Variants in MCC observed in about 807,000 individuals in gnomAD.
MCC encodes the protein MCC regulator of Wnt signaling pathway.
MCC carries 90 observed loss-of-function variants against 116.2 expected under a neutral mutation model. The observed-to-expected ratio is 0.77, with a 90% CI of 0.65 to 0.92. The LOEUF (loss-of-function observed/expected upper bound fraction) is 0.92, where lower values mean the gene tolerates loss of function less well. Ranked by LOEUF, MCC falls within the 40% of genes least tolerant of loss-of-function variation. The pLI is 0.00. For synonymous variants in MCC, 578 were observed against 510.5 expected (o/e 1.13, Z -1.78); for missense variants, 1,516 against 1,312.2 (o/e 1.16, Z -2.40).
intron 3 of MCC, among the ~76,000 whole-genome samples, chr5:113,197,769 G>T (rs1233591374): frequency 4.6e-5 from 7 of 152,240 alleles, no homozygotes; most frequent in African/African-American, 1.7e-4. Context: ...AAAGGAGGCA[G>T]GGCATAAGTA....
At chr5:113,352,465 T>C (rs1428711738) in intron 2 of MCC, among the ~76,000 whole-genome samples, 1 of 151,988 alleles carries the variant, frequency 6.6e-6, no homozygotes, top group Non-Finnish European at 1.5e-5. Context: ...CTTCCCATCC[T>C]TTCTGCTTGC....
intron 6 of MCC, among the ~76,000 whole-genome samples, chr5:113,114,982 C>T (rs1338413360): frequency 6.8e-6 from 1 of 147,852 alleles, no homozygotes; most frequent in Non-Finnish European, 1.5e-5. Context: ...GCAACTGCCT[C>T]ACATGAAAAG....
Position 113,026,072 on chromosome 5 carries a change from T to G in MCC, c.*1230A>C, listed in dbSNP as rs1263951603. 1 of 151,600 alleles carries G rather than the reference T, an allele frequency of 6.6e-6. No homozygotes were observed. Among genetic ancestry groups the G allele is most frequent in the African/African-American group, 2.4e-5 (1 of 41,372 alleles). The allele number at this position is 151,600 out of a possible 1,614,324, so 9.4% of individuals were successfully genotyped here. The stretch of plus-strand genomic sequence containing the variant: ...AAACTGAAAAAGAATAATGAATTTG[T>G]TTTAAGATTGAAGACCTTCCTGAAA... On this transcript the variant is annotated 3_prime_UTR_variant, in exon 19 of 19. Coordinates refer to ENST00000408903, the MANE Select transcript of MCC (RefSeq NM_001085377.2).
chr5:113,056,504 A>G lies in MCC; in HGVS notation c.2214-2545T>C, dbSNP rs140985690. Among the ~76,000 whole-genome samples the G allele has an allele frequency of 3.0e-3, 461 of 152,378 alleles. 1 individual carries two copies. The highest frequency in any genetic ancestry group is 9.8e-3 in the African/African-American group (409 of 41,596). On this transcript the variant is annotated intron_variant, in intron 14 of 18. Coordinates refer to ENST00000408903, the MANE Select transcript of MCC (RefSeq NM_001085377.2). ...AACCAAATACCACATGTTCTTACTTATAAGTTGGAGCTAAATGATGAGAAC... is the reference window on the plus strand; with the variant it reads ...AACCAAATACCACATGTTCTTACTTGTAAGTTGGAGCTAAATGATGAGAAC...
At chr5:113,280,408 T>C (rs1278240651) in intron 3 of MCC, among the ~76,000 whole-genome samples, 1 of 152,180 alleles carries the variant, frequency 6.6e-6, no homozygotes, top group Non-Finnish European at 1.5e-5. Context: ...ACTGCAACAA[T>C]GTAGGGTATG....
intron 5 of MCC, among the ~76,000 whole-genome samples, chr5:113,128,532 A>C (rs1192201092): frequency 2.6e-5 from 4 of 152,222 alleles, no homozygotes; most frequent in Non-Finnish European, 5.9e-5. Context: ...CTTCAATACT[A>C]TCTCCTCTTA....
In MCC at chr5:113,322,141, T is replaced by G. The variant is rs181384451; in HGVS notation, c.627+18378A>C. ...GCCACCGCACCTGGCCCATGATTTG[T>G]ATTTCTAACAAGCTCCAAGGTGGTG... is the stretch of plus-strand genomic sequence containing the variant. On this transcript the variant is annotated intron_variant, in intron 3 of 18. Coordinates refer to ENST00000408903, the MANE Select transcript of MCC (RefSeq NM_001085377.2). 3.0e-4 allele frequency among the ~76,000 whole-genome samples: 46 copies of G among 152,318 alleles called. No homozygotes were observed. In the East Asian group the frequency reaches 7.9e-3, roughly 26 times the overall value.
intron 3 of MCC, among the ~76,000 whole-genome samples, chr5:113,288,055 C>T (rs745978214): frequency 6.6e-6 from 1 of 152,228 alleles, no homozygotes; most frequent in South Asian, 2.1e-4. Context: ...TCCAGCCAAA[C>T]GAACCATCTC....
At chr5:113,264,782 C>A (rs1283631797) in intron 3 of MCC, among the ~76,000 whole-genome samples, 2 of 152,192 alleles carry the variant, frequency 1.3e-5, no homozygotes, top group African/African-American at 2.4e-5. Flanking sequence ...GTGGCTCAGG[C>A]CTGTAATCCC....
At chr5:113,080,263 G>A (rs1162451510) in intron 11 of MCC, among the ~76,000 whole-genome samples, 2 of 152,186 alleles carry the variant, frequency 1.3e-5, no homozygotes, top group African/African-American at 4.8e-5. Flanking sequence ...CAAGGATCTA[G>A]AACTAGAAAT....
At chr5:113,161,535 G>A (rs1254817666) in intron 3 of MCC, among the ~76,000 whole-genome samples, 2 of 152,074 alleles carry the variant, frequency 1.3e-5, no homozygotes, top group African/African-American at 2.4e-5. Flanking sequence ...TACAGCAATG[G>A]TTGAAGTGCT....
chr5:113,219,289 A>C (rs564119690), intron 3 of MCC, among the ~76,000 whole-genome samples: 1 of 152,348 alleles, frequency 6.6e-6, no homozygotes, highest in South Asian at 2.1e-4. Context: ...CTCTGTACAC[A>C]GGAAGGTTAA....
chr5:113,274,510 C>T (rs1372356909), intron 3 of MCC, among the ~76,000 whole-genome samples: 1 of 152,168 alleles, frequency 6.6e-6, no homozygotes, highest in African/African-American at 2.4e-5. Flanking sequence ...CAGGCGCATG[C>T]CACCACACCC....
chr5:113,038,860 C>G (rs563299607), intron 17 of MCC, among the ~76,000 whole-genome samples: 1 of 152,312 alleles, frequency 6.6e-6, no homozygotes, highest in Admixed American at 6.5e-5. Flanking sequence ...TGTCCCTGGA[C>G]AGAACGGCCA....
chr5:113,090,732 C>A (rs556720403), intron 8 of MCC, among the ~76,000 whole-genome samples: 2 of 152,358 alleles, frequency 1.3e-5, no homozygotes, highest in Non-Finnish European at 2.9e-5. Context: ...CAGAGGTTAA[C>A]AGAGGTTGCA....
intron 15 of MCC, among the ~76,000 whole-genome samples, chr5:113,052,587 T>C (rs1219057947): frequency 6.6e-6 from 1 of 152,170 alleles, no homozygotes; most frequent in African/African-American, 2.4e-5. Context: ...GAGTCACCCC[T>C]GAGGGTGTCA....
chr5:113,086,184 C>T (rs1294569315), intron 8 of MCC, among the ~76,000 whole-genome samples: 1 of 152,034 alleles, frequency 6.6e-6, no homozygotes, highest in Non-Finnish European at 1.5e-5. Context: ...TTACGGGAAG[C>T]AGAAAAAGGG....
At chr5:113,068,243 G>C (rs1179111099) in intron 12 of MCC, 60 bp from the exon 13 acceptor site, 2 of 1,357,472 alleles carry the variant, frequency 1.5e-6, no homozygotes, top group Admixed American at 1.8e-5. Context: ...CTTCAATGTG[G>C]CGCCGGTTTC....
intron 3 of MCC, among the ~76,000 whole-genome samples, chr5:113,228,368 A>T (rs1310434353): frequency 6.6e-6 from 1 of 152,148 alleles, no homozygotes; most frequent in Non-Finnish European, 1.5e-5. Context: ...GTGCTGGAGG[A>T]TTCAGGCAGT....
Sources: allele counts gnomAD v4.1 joint callset (sites outside exome capture counted in the v4.1 genomes callset), GRCh38; gene constraint gnomAD v4.1.1; transcripts MANE v1.5; gene names NCBI Gene and HGNC (gene_info 2026-07-23, HGNC 2026-07-21).